The following NFS1 variants were observed in gnomAD, a reference collection of about 807,000 sequenced individuals.
NFS1 encodes cysteine desulfurase.
In NFS1, 26 loss-of-function variants were observed where a neutral mutation model predicts 57.3. The ratio of observed to expected loss-of-function variants is 0.45; its 90% CI spans 0.33 to 0.63. NFS1 has a LOEUF of 0.63. Ranked by LOEUF, NFS1 falls within the 20% of genes least tolerant of loss-of-function variation. NFS1 has a pLI of 0.02. For missense variants in NFS1, 505 were observed against 605.8 expected (o/e 0.83, Z 1.75); for synonymous variants, 209 against 216.3 (o/e 0.97, Z 0.30).
intron 5 of NFS1, among the ~76,000 whole-genome samples, chr20:35,685,512 AC>A (rs1484173251): frequency 6.7e-6 from 1 of 148,792 alleles, no homozygotes; most frequent in Non-Finnish European, 1.5e-5. Context: ...ACAGAGCAAG[AC>A]CATGTCTCAT....
intron 3 of NFS1, among the ~76,000 whole-genome samples, chr20:35,697,115 G>C (rs1395774508): frequency 6.7e-6 from 1 of 149,990 alleles, no homozygotes; most frequent in Non-Finnish European, 1.5e-5. Context: ...TCAAATAATA[G>C]TAAATAAATA....
At position 35,669,512 on chromosome 20, in the gene NFS1, C is replaced by G; in HGVS notation, c.*110G>C. ...AGAGGTGGACTGATGCTGAAGTCAACTGGTCTATACCAATCTAGAGCATCC... is the reference window on the plus strand; with the variant it reads ...AGAGGTGGACTGATGCTGAAGTCAAGTGGTCTATACCAATCTAGAGCATCC... On this transcript the variant is annotated 3_prime_UTR_variant, in exon 13 of 13. Coordinates refer to ENST00000374092, the MANE Select transcript of NFS1 (RefSeq NM_021100.5). 1.1e-6 allele frequency: 1 copy of G among 893,760 alleles called. No individual in the cohort carries two copies. 55.4% of individuals were successfully genotyped at this position (893,760 alleles called of 1,614,324 possible). A position where few individuals can be genotyped will look rare whatever the true frequency, so the allele number is the denominator to read the frequency against.
chr20:35,690,445 G>C lies in NFS1; in HGVS notation c.529C>G (p.Pro177Ala). 2 of 1,613,852 alleles carry C rather than the reference G, an allele frequency of 1.2e-6. No homozygotes were observed. The highest frequency in any genetic ancestry group is 4.5e-5 in the East Asian group (2 of 44,850). ...EAEGFQVTYL[P>A]VQKSGIIDLK... ...TCAATGATCCCACTCTTCTGCACTG[G>C]GAGGTAGGTGACCTGAAAGCCCTCA... Residue 177 changes from proline to alanine, a missense_variant, in exon 5 of 13, where the codon CCA becomes GCA. By Grantham distance (27) the Pro-to-Ala change is conservative. Coordinates refer to ENST00000374092, the MANE Select transcript of NFS1 (RefSeq NM_021100.5).
At chr20:35,679,960 T>G (rs186568240) in intron 7 of NFS1, among the ~76,000 whole-genome samples, 2 of 152,282 alleles carry the variant, frequency 1.3e-5, no homozygotes, top group African/African-American at 4.8e-5. Flanking sequence ...GGAACAAACA[T>G]GTATCCTTGA....
intron 10 of NFS1, 42 bp from the exon 11 acceptor site, chr20:35,673,726 G>C: frequency 6.6e-7 from 1 of 1,510,414 alleles, no homozygotes; most frequent in South Asian, 1.1e-5. Context: ...CATCATCAAC[G>C]TCTACTTTTA....
chr20:35,682,150 A>G (rs912131276), intron 5 of NFS1, among the ~76,000 whole-genome samples, 169 bp from the exon 6 acceptor site: 1 of 152,244 alleles, frequency 6.6e-6, no homozygotes, highest in Non-Finnish European at 1.5e-5. Flanking sequence ...CAGACTCTGA[A>G]TGGTTCATAC....
intron 4 of NFS1, 129 bp from the exon 5 acceptor site, chr20:35,690,694 G>A: frequency 8.0e-6 from 7 of 871,156 alleles, no homozygotes; most frequent in Non-Finnish European, 1.1e-5. Context: ...TACCAACTGA[G>A]TATCCTATAA....
chr20:35,674,865 A>T, intron 8 of NFS1, 180 bp downstream of exon 8: 1 of 793,898 alleles, frequency 1.3e-6, no homozygotes, highest in Non-Finnish European at 2.0e-6. Context: ...CTAAAAGGCC[A>T]TGGGTTTTGA....
chr20:35,697,672 C>T lies in NFS1; in HGVS notation c.324+12G>A. The T allele has an allele frequency of 1.3e-6, 2 of 1,595,680 alleles. No homozygotes were observed. The highest frequency in any genetic ancestry group is 1.7e-6 in the Non-Finnish European group (2 of 1,166,658). On this transcript the variant is annotated intron_variant, in intron 3 of 12. Transcript: ENST00000374092. ...TTTGACCTTAGAACCTCCTAGACTC[C>T]TGTGTACTAACCTGACGAGCACGTT...
In NFS1 at chr20:35,680,842, A is replaced by T; in HGVS notation, c.685T>A (p.Phe229Ile). ...ACAGCCTGGGCTGCATCAGTATGGA[A>T]ATATACCTTTCTGGAACTGCAAATC... ...GRICSSRKVY[F>I]HTDAAQAVGK... Residue 229 changes from phenylalanine to isoleucine, a missense_variant, in exon 7 of 13, where the codon TTC becomes ATC. Coordinates refer to ENST00000374092, the MANE Select transcript of NFS1 (RefSeq NM_021100.5). 1 of 1,560,764 alleles carries T rather than the reference A, an allele frequency of 6.4e-7. No homozygotes were observed. Among genetic ancestry groups the T allele is most frequent in the South Asian group, 1.2e-5 (1 of 80,926 alleles).
At chr20:35,692,255 T>C in intron 4 of NFS1, 1 of 272,572 alleles carries the variant, frequency 3.7e-6, no homozygotes, top group Non-Finnish European at 7.2e-6. Flanking sequence ...GCACCTGTAA[T>C]CCCGGCTACT....
chr20:35,674,922 A>T, intron 8 of NFS1, 123 bp downstream of exon 8: 1 of 1,341,658 alleles, frequency 7.5e-7, no homozygotes, highest in Admixed American at 1.8e-5. Context: ...GCACCAGGAC[A>T]AGGAAGAGTT....
At chr20:35,686,274 CG>C (rs749092478) in intron 5 of NFS1, among the ~76,000 whole-genome samples, 6 of 143,858 alleles carry the variant, frequency 4.2e-5, no homozygotes, top group Non-Finnish European at 7.5e-5. Context: ...CGCTTGAACC[CG>C]GGAGGCGGAG....
At position 35,699,290 on chromosome 20, in the gene NFS1, G is replaced by C; in HGVS notation, c.-2C>G. 1.4e-6 allele frequency: 2 copies of C among 1,405,990 alleles called. No homozygotes were observed. Among genetic ancestry groups the C allele is most frequent in the South Asian group, 1.5e-5 (1 of 65,796 alleles). The allele number at this position is 1,405,990 out of a possible 1,614,324, so 87.1% of individuals were successfully genotyped here. The stretch of plus-strand genomic sequence containing the variant: ...CCTCCAAGCGGCTCGGAGCAGCATG[G>C]TCCCGCTGGCAGAGCCCACCTTCCG... On this transcript the variant is annotated 5_prime_UTR_variant, in exon 1 of 13. Transcript: ENST00000374092. This position sits in a 1 kb window ranked among gnomAD's most constrained non-coding sequence, Gnocchi z 4.4.
intron 4 of NFS1, among the ~76,000 whole-genome samples, chr20:35,695,584 G>A (rs1192497075): frequency 6.6e-6 from 1 of 152,224 alleles, no homozygotes; most frequent in Non-Finnish European, 1.5e-5. Flanking sequence ...GGGTGACCAT[G>A]TGAATGCCTG....
intron 5 of NFS1, among the ~76,000 whole-genome samples, chr20:35,689,525 T>C (rs1468344409): frequency 6.6e-6 from 1 of 151,670 alleles, no homozygotes; most frequent in Non-Finnish European, 1.5e-5. Context: ...TCCCAGCACT[T>C]TGGGAGGCCG....
chr20:35,691,140 T>C (rs1414337106), intron 4 of NFS1, among the ~76,000 whole-genome samples: 1 of 152,062 alleles, frequency 6.6e-6, no homozygotes, highest in East Asian at 1.9e-4. Flanking sequence ...ATAAAATCTA[T>C]TAAAATAATA....
intron 5 of NFS1, among the ~76,000 whole-genome samples, chr20:35,688,162 T>C (rs1459381731): frequency 6.6e-6 from 1 of 151,728 alleles, no homozygotes; most frequent in East Asian, 1.9e-4. Flanking sequence ...GGCAGGAGAA[T>C]CACTTGAACC....
chr20:35,692,213 A>C (rs1387944454), intron 4 of NFS1: 1 of 261,704 alleles, frequency 3.8e-6, no homozygotes, highest in Non-Finnish European at 7.4e-6. Flanking sequence ...AATAAAAATA[A>C]AAATACAAAA....
Sources: allele counts gnomAD v4.1 joint callset (sites outside exome capture counted in the v4.1 genomes callset), GRCh38; gene constraint gnomAD v4.1.1; non-coding constraint Gnocchi (gnomAD v3.1); transcripts MANE v1.5; gene names NCBI Gene and HGNC (gene_info 2026-07-23, HGNC 2026-07-21).